Variants in NIPSNAP2 observed in about 807,000 individuals in gnomAD.
NIPSNAP2 encodes nipsnap homolog 2, also known as protein NipSnap homolog 2.
Under a neutral mutation model 48.4 loss-of-function variants are expected in NIPSNAP2, and 42 were observed. That is an observed-to-expected ratio of 0.87 (90% CI 0.68 to 1.12). The LOEUF (loss-of-function observed/expected upper bound fraction) is 1.12, where lower values mean the gene tolerates loss of function less well. NIPSNAP2 is among the 50% of genes most tolerant of loss of function. The pLI is 0.00. For missense variants in NIPSNAP2, 314 were observed against 347.3 expected (o/e 0.90, Z 0.76); for synonymous variants, 158 against 126.6 (o/e 1.25, Z -1.67).
chr7:55,977,118 C>T (rs888593052), intron 1 of NIPSNAP2, among the ~76,000 whole-genome samples: 5 of 151,532 alleles, frequency 3.3e-5, no homozygotes, highest in South Asian at 4.2e-4. Context: ...TGGCCAGGCT[C>T]GGTAGCTCCT....
chr7:55,966,903 G>C (rs1188449856), intron 1 of NIPSNAP2, among the ~76,000 whole-genome samples: 1 of 152,242 alleles, frequency 6.6e-6, no homozygotes, highest in African/African-American at 2.4e-5. Flanking sequence ...GAATGTAGGA[G>C]GGGGAGCTGG....
chr7:55,984,717 C>CAAA (rs34985300), intron 6 of NIPSNAP2, 130 bp from the exon 7 acceptor site: 54 of 493,108 alleles, frequency 1.1e-4, no homozygotes, highest in Admixed American at 1.9e-4. Flanking sequence ...GATTCTGTCT[C>CAAA]AAAAAAAAAA....
At chr7:55,989,025 A>G (rs1248229233) in intron 7 of NIPSNAP2, among the ~76,000 whole-genome samples, 1 of 152,198 alleles carries the variant, frequency 6.6e-6, no homozygotes, top group Non-Finnish European at 1.5e-5. Context: ...AATGCAAGTT[A>G]GAAAGCAAAC....
intron 5 of NIPSNAP2, among the ~76,000 whole-genome samples, chr7:55,983,344 A>C (rs1384018909): frequency 6.6e-6 from 1 of 152,188 alleles, no homozygotes; most frequent in East Asian, 1.9e-4. Flanking sequence ...TTAAGAAAGA[A>C]ATTCTTTTGT....
chr7:55,990,212 C>T (rs1462342589), intron 7 of NIPSNAP2, among the ~76,000 whole-genome samples: 1 of 150,034 alleles, frequency 6.7e-6, no homozygotes, highest in East Asian at 2.0e-4. Context: ...ATTTCTGTAC[C>T]TTAATTTTTG....
At chr7:55,993,779 C>A (rs1342702073) in intron 7 of NIPSNAP2, among the ~76,000 whole-genome samples, 2 of 152,052 alleles carry the variant, frequency 1.3e-5, no homozygotes, top group Admixed American at 1.3e-4. Context: ...GTGGGAAATT[C>A]TTAAAGTTTT....
intron 3 of NIPSNAP2, chr7:55,980,808 C>G (rs1787199118): frequency 6.6e-6 from 1 of 152,298 alleles, no homozygotes; most frequent in South Asian, 2.1e-4. Context: ...CCTCCCATCC[C>G]CTTGGCCCAT....
chr7:55,972,308 CAA>C (rs139960312), intron 1 of NIPSNAP2, among the ~76,000 whole-genome samples: 1 of 141,290 alleles, frequency 7.1e-6, no homozygotes. Context: ...GACTCTGTCT[CAA>C]AAAAAAAAAA....
chr7:55,989,575 T>C (rs1787401425), intron 7 of NIPSNAP2, among the ~76,000 whole-genome samples: 1 of 151,894 alleles, frequency 6.6e-6, no homozygotes, highest in Non-Finnish European at 1.5e-5. Flanking sequence ...CAGCAAGCCA[T>C]GATCATGCCA....
intron 5 of NIPSNAP2, among the ~76,000 whole-genome samples, chr7:55,982,487 G>A (rs981868441): frequency 2.6e-5 from 4 of 152,122 alleles, no homozygotes; most frequent in Non-Finnish European, 5.9e-5. Context: ...GGTGGCTCAC[G>A]CCTGTAATCC....
chr7:55,966,521 G>C (rs1256390227), intron 1 of NIPSNAP2, among the ~76,000 whole-genome samples: 1 of 152,064 alleles, frequency 6.6e-6, no homozygotes, highest in East Asian at 1.9e-4. Flanking sequence ...CAGTGGCTCA[G>C]GCTGTAATCC....
intron 7 of NIPSNAP2, among the ~76,000 whole-genome samples, chr7:55,987,395 A>G (rs376873406): frequency 6.6e-4 from 100 of 152,306 alleles, no homozygotes; most frequent in African/African-American, 2.3e-3. Context: ...TGGGAGGCCA[A>G]GGCAGGCTGG....
intron 9 of NIPSNAP2, 112 bp from the exon 10 acceptor site, chr7:55,998,896 C>G (rs1787623555): frequency 1.1e-6 from 1 of 900,662 alleles, no homozygotes; most frequent in African/African-American, 1.6e-5. Flanking sequence ...ATGATATTCT[C>G]TTGTTTTCAA....
At chr7:55,965,471 T>TA (rs1374084824) in intron 1 of NIPSNAP2, among the ~76,000 whole-genome samples, 1 of 152,178 alleles carries the variant, frequency 6.6e-6, no homozygotes, top group Non-Finnish European at 1.5e-5. Flanking sequence ...TGCTTTCTCG[T>TA]ATTCATTGCT....
chr7:55,992,433 TCAG>T (rs150626408), intron 7 of NIPSNAP2, among the ~76,000 whole-genome samples: 6,678 of 152,254 alleles, frequency 0.044, 173 homozygotes, highest in Admixed American at 0.062. Flanking sequence ...CAGACTGCAG[TCAG>T]CTAAGATCAT....
chr7:55,985,819 G>A (rs1049599862), intron 7 of NIPSNAP2, among the ~76,000 whole-genome samples: 3 of 151,586 alleles, frequency 2.0e-5, no homozygotes, highest in Non-Finnish European at 4.4e-5. Context: ...AGGCTGAGGT[G>A]GGCAGATCAC....
intron 7 of NIPSNAP2, among the ~76,000 whole-genome samples, chr7:55,991,123 C>T (rs909713564): frequency 6.6e-6 from 1 of 152,062 alleles, no homozygotes; most frequent in Non-Finnish European, 1.5e-5. Context: ...TATGAAATTT[C>T]CTGCTGTGCA....
In NIPSNAP2 at chr7:55,972,242, G is replaced by A. The variant is rs375692372; in HGVS notation, c.93-5884G>A. 3.3e-5 allele frequency among the ~76,000 whole-genome samples: 5 copies of A among 151,332 alleles called. No homozygotes were observed. The East Asian group carries it at 9.9e-4, about 30-fold the overall frequency. ...AATCACTTGAACCCAGGAGGCGGAGGTTGCAGTGAGCTGAGATTGTGCCAC... is the reference window on the plus strand; with the variant it reads ...AATCACTTGAACCCAGGAGGCGGAGATTGCAGTGAGCTGAGATTGTGCCAC... On this transcript the variant is annotated intron_variant, in intron 1 of 9. Coordinates refer to ENST00000322090, the MANE Select transcript of NIPSNAP2 (RefSeq NM_001483.3).
At chr7:55,990,490 C>T (rs142097271) in intron 7 of NIPSNAP2, among the ~76,000 whole-genome samples, 6,863 of 152,136 alleles carry the variant, frequency 0.045, 293 homozygotes, top group East Asian at 0.22. Context: ...CTCGGCCTCC[C>T]GAAGTGCTGG....
Sources: gnomAD v4.1 joint callset for allele counts (sites outside exome capture counted in the v4.1 genomes callset) on GRCh38, gnomAD v4.1.1 for gene constraint, MANE v1.5 for transcripts, NCBI Gene and HGNC (gene_info 2026-07-23, HGNC 2026-07-21) for gene names.